Variants in TRIP4 observed in about 807,000 individuals in gnomAD.
The protein encoded by TRIP4 is activating signal cointegrator 1.
TRIP4 carries 54 observed loss-of-function variants against 81.8 expected under a neutral mutation model. The observed-to-expected ratio is 0.66, with a 90% confidence interval of 0.53 to 0.83. The LOEUF is 0.83. Ranked by LOEUF, TRIP4 falls within the 40% of genes least tolerant of loss-of-function variation. The pLI is 0.00. For synonymous variants in TRIP4, 270 were observed against 242.8 expected (o/e 1.11, Z -1.04); for missense variants, 662 against 683.6 (o/e 0.97, Z 0.35).
intron 5 of TRIP4, among the ~76,000 whole-genome samples, chr15:64,401,176 C>T (rs1891497992): frequency 1.3e-5 from 2 of 151,588 alleles, no homozygotes; most frequent in African/African-American, 4.9e-5. Flanking sequence ...CTCTGTCACC[C>T]AGGCTGGAGT....
At chr15:64,388,305 TTTA>T (rs1900012239) in intron 1 of TRIP4, among the ~76,000 whole-genome samples, 1 of 152,084 alleles carries the variant, frequency 6.6e-6, no homozygotes, top group Non-Finnish European at 1.5e-5. Flanking sequence ...CTTTTATTTA[TTTA>T]TTATTATTGT....
At chr15:64,444,084 A>G (rs1892573146) in intron 11 of TRIP4, among the ~76,000 whole-genome samples, 1 of 152,200 alleles carries the variant, frequency 6.6e-6, no homozygotes, top group South Asian at 2.1e-4. Context: ...AGTGGCTTAG[A>G]CTTTAGAAGG....
intron 1 of TRIP4, among the ~76,000 whole-genome samples, chr15:64,388,888 A>G (rs1900033092): frequency 6.6e-6 from 1 of 152,216 alleles, no homozygotes; most frequent in African/African-American, 2.4e-5. Flanking sequence ...GAGATGGTGT[A>G]CATGACTTAA....
intron 9 of TRIP4, among the ~76,000 whole-genome samples, chr15:64,420,803 A>T (rs1003472576): frequency 6.6e-6 from 1 of 151,932 alleles, no homozygotes; most frequent in Non-Finnish European, 1.5e-5. Context: ...AAGTGCTGGG[A>T]TTATAGGCGT....
intron 5 of TRIP4, among the ~76,000 whole-genome samples, chr15:64,403,871 A>C (rs1891566423): frequency 6.6e-6 from 1 of 152,114 alleles, no homozygotes; most frequent in Non-Finnish European, 1.5e-5. Context: ...TTGACACTTG[A>C]GATGTATTTG....
chr15:64,442,588 G>A (rs1892541408), intron 11 of TRIP4, among the ~76,000 whole-genome samples: 1 of 146,448 alleles, frequency 6.8e-6, no homozygotes, highest in Non-Finnish European at 1.5e-5. Context: ...CCTAGCCAGA[G>A]AAAAGAATTC....
intron 12 of TRIP4, among the ~76,000 whole-genome samples, chr15:64,445,587 T>G (rs1263163527): frequency 6.9e-6 from 1 of 145,436 alleles, no homozygotes; most frequent in Non-Finnish European, 1.5e-5. Context: ...GAGAATCGCT[T>G]GAACCTGGGA....
At position 64,418,666 on chromosome 15, in the gene TRIP4, T is replaced by C. The variant is rs1301125884; in HGVS notation, c.1296T>C (p.Asp432=). The change falls in exon 9 of 13, where the codon GAT becomes GAC. Residue 432 remains aspartate (D), a synonymous_variant. Coordinates refer to ENST00000261884, the MANE Select transcript of TRIP4 (RefSeq NM_016213.5). ...IQDQEFQEGF[D]GGWCLSVHQP... Reference sequence around the variant, plus strand: ...ATCAAGAATTTCAGGAAGGCTTTGATGGTGGCTGGTGCCTCTCTGTACATC... The same window carrying C: ...ATCAAGAATTTCAGGAAGGCTTTGACGGTGGCTGGTGCCTCTCTGTACATC... 5 of 1,613,956 alleles carry C rather than the reference T, an allele frequency of 3.1e-6. No homozygotes were observed. Among genetic ancestry groups the C allele is most frequent in the Non-Finnish European group, 4.2e-6 (5 of 1,180,022 alleles).
chr15:64,396,620 T>C lies in TRIP4; in HGVS notation c.406-986T>C, dbSNP rs1490800123. Among the ~76,000 whole-genome samples the C allele has an allele frequency of 2.0e-5, 3 of 152,208 alleles. 1 individual carries two copies. Among genetic ancestry groups the C allele is most frequent in the Non-Finnish European group, 4.4e-5 (3 of 68,036 alleles). On this transcript the variant is annotated intron_variant, in intron 3 of 12. Coordinates refer to ENST00000261884, the MANE Select transcript of TRIP4 (RefSeq NM_016213.5). ...CAATTTATGAGATTCATCTCTACTC[T>C]GGGCAGCTATACTTTCTCATTCTCA...
At chr15:64,400,616 A>C in intron 4 of TRIP4, 127 bp from the exon 5 acceptor site, 1 of 681,662 alleles carries the variant, frequency 1.5e-6, no homozygotes, top group African/African-American at 1.8e-5. Flanking sequence ...TGTTTGGATT[A>C]AAAAACACCA....
intron 11 of TRIP4, among the ~76,000 whole-genome samples, chr15:64,433,712 G>A (rs960642701): frequency 6.6e-6 from 1 of 152,338 alleles, no homozygotes; most frequent in South Asian, 2.1e-4. Flanking sequence ...ACAAGGATGA[G>A]GAGTAATGGG....
At chr15:64,427,475 A>G (rs2140302600) in intron 11 of TRIP4, among the ~76,000 whole-genome samples, 1 of 152,232 alleles carries the variant, frequency 6.6e-6, no homozygotes, top group Middle Eastern at 3.4e-3. Context: ...TCCTGGGCTT[A>G]AGTGATCCTC....
chr15:64,397,575 T>G lies in TRIP4; in HGVS notation c.406-31T>G, dbSNP rs1342787384. 1.9e-6 allele frequency: 3 copies of G among 1,596,360 alleles called. No homozygotes were observed. The South Asian group carries it at 3.3e-5, about 18-fold the overall frequency. On this transcript the variant is annotated intron_variant, in intron 3 of 12. Transcript: ENST00000261884. ...GACTTTTTACATTGTCATTAATTAT[T>G]TGATGTTATTTTGATGTCTTTGTAC... is the stretch of plus-strand genomic sequence containing the variant.
intron 8 of TRIP4, among the ~76,000 whole-genome samples, chr15:64,417,339 C>G (rs1385832604): frequency 6.6e-6 from 1 of 151,888 alleles, no homozygotes; most frequent in Admixed American, 6.6e-5. Flanking sequence ...AGACACAGGA[C>G]CTCACCATGT....
chr15:64,445,667 C>A (rs1220298865), intron 12 of TRIP4, among the ~76,000 whole-genome samples: 576 of 77,724 alleles, frequency 7.4e-3, no homozygotes, highest in South Asian at 0.019. Context: ...CACTCAGTCT[C>A]AAAAAAAAAA....
Position 64,443,768 on chromosome 15 carries a change from T to C in TRIP4, c.1576-1238T>C, listed in dbSNP as rs918727852. The stretch of plus-strand genomic sequence containing the variant: ...TGGGTGCGGTGGCTCTCTCCTATAA[T>C]CCCAGAACTTTGGGAGGTTGAGGCA... On this transcript the variant is annotated intron_variant, in intron 11 of 12. Coordinates refer to ENST00000261884, the MANE Select transcript of TRIP4 (RefSeq NM_016213.5). Among the ~76,000 whole-genome samples the C allele has an allele frequency of 2.8e-4, 42 of 152,190 alleles. 1 individual carries two copies. The highest frequency in any genetic ancestry group is 1.0e-3 in the African/African-American group (42 of 41,516).
chr15:64,420,578 C>T (rs927835624), intron 9 of TRIP4, among the ~76,000 whole-genome samples: 6 of 149,814 alleles, frequency 4.0e-5, no homozygotes, highest in Admixed American at 1.3e-4. Flanking sequence ...AGCTGGAGTG[C>T]AGTGGCGTGA....
At chr15:64,426,573 G>A (rs146079724) in intron 11 of TRIP4, among the ~76,000 whole-genome samples, 1,974 of 151,998 alleles carry the variant, frequency 0.013, 33 homozygotes, top group African/African-American at 0.046. Context: ...GGTGGCGCAT[G>A]CCTGTAATCC....
At chr15:64,451,528 G>C (rs1209690294) in intron 12 of TRIP4, among the ~76,000 whole-genome samples, 2 of 129,288 alleles carry the variant, frequency 1.5e-5, no homozygotes, top group African/African-American at 5.9e-5. Flanking sequence ...CTGAAGTGTA[G>C]TGGTGTGAAC....
Sources: gnomAD v4.1 joint callset for allele counts (sites outside exome capture counted in the v4.1 genomes callset) on GRCh38, gnomAD v4.1.1 for gene constraint, MANE v1.5 for transcripts, NCBI Gene and HGNC (gene_info 2026-07-23, HGNC 2026-07-21) for gene names.